BRINP1: variants seen among roughly 807,000 people sequenced by gnomAD.
The protein encoded by BRINP1 is BMP/retinoic acid inducible neural specific 1.
Under a neutral mutation model 72.9 loss-of-function variants are expected in BRINP1, and 17 were observed. The observed-to-expected ratio is 0.23, with a 90% CI of 0.16 to 0.35. The LOEUF is 0.35. Ranked by LOEUF, BRINP1 falls within the 10% of genes least tolerant of loss-of-function variation. BRINP1 has a pLI of 1.00. For synonymous variants in BRINP1, 418 were observed against 378.5 expected, an observed-to-expected ratio of 1.10 and a Z score of -1.21; for missense variants, 850 against 1,001.6, an observed-to-expected ratio of 0.85 and a Z score of 2.04.
chr9:119,284,514 C>T (rs1050570859), intron 2 of BRINP1, among the ~76,000 whole-genome samples: 1 of 152,176 alleles, frequency 6.6e-6, no homozygotes, highest in Non-Finnish European at 1.5e-5. Context: ...ATGGAAATGG[C>T]TGTAAAAGCC....
intron 3 of BRINP1, among the ~76,000 whole-genome samples, chr9:119,247,577 C>T (rs1830334960): frequency 6.9e-6 from 1 of 145,234 alleles, no homozygotes; most frequent in African/African-American, 2.5e-5. Context: ...ATGGCGTGAA[C>T]CCGGGAGGCG....
chr9:119,212,328 C>T (rs560057037), intron 6 of BRINP1, among the ~76,000 whole-genome samples: 1 of 152,218 alleles, frequency 6.6e-6, no homozygotes, highest in Non-Finnish European at 1.5e-5. Flanking sequence ...TACACAGTGG[C>T]TCCTAGGTAA....
intron 2 of BRINP1, among the ~76,000 whole-genome samples, chr9:119,263,990 T>TCA (rs76477140): frequency 0.019 from 2,893 of 152,310 alleles, 45 homozygotes; most frequent in Non-Finnish European, 0.027. Context: ...AAACTCATGT[T>TCA]CTTAGGCACT....
intron 1 of BRINP1, among the ~76,000 whole-genome samples, chr9:119,328,341 G>A (rs1335659312): frequency 6.6e-6 from 1 of 152,206 alleles, no homozygotes; most frequent in African/African-American, 2.4e-5. Flanking sequence ...AATGGGATGT[G>A]AGTCAATGGA....
At chr9:119,329,425 A>T (rs1486442570) in intron 1 of BRINP1, among the ~76,000 whole-genome samples, 1 of 152,182 alleles carries the variant, frequency 6.6e-6, no homozygotes, top group East Asian at 1.9e-4. Context: ...CACAGCTGTC[A>T]CTTGTCTGTG....
At chr9:119,354,572 A>C (rs1831539762) in intron 1 of BRINP1, among the ~76,000 whole-genome samples, 1 of 152,144 alleles carries the variant, frequency 6.6e-6, no homozygotes, top group Admixed American at 6.5e-5. Flanking sequence ...GGGAATGTAT[A>C]CATCAGGCCA....
chr9:119,231,167 TCATA>T (rs1231848639), intron 5 of BRINP1, among the ~76,000 whole-genome samples: 1 of 151,894 alleles, frequency 6.6e-6, no homozygotes, highest in Non-Finnish European at 1.5e-5. Flanking sequence ...ATCTGAAAAA[TCATA>T]CAATTTAAAA....
At chr9:119,339,165 CA>C (rs1390403603) in intron 1 of BRINP1, among the ~76,000 whole-genome samples, 4 of 152,100 alleles carry the variant, frequency 2.6e-5, no homozygotes, top group Non-Finnish European at 5.9e-5. Flanking sequence ...CTTTATGGGC[CA>C]CAGTGTCTCT....
intron 7 of BRINP1, among the ~76,000 whole-genome samples, chr9:119,198,649 CT>C (rs1329516583): frequency 6.7e-6 from 1 of 150,084 alleles, no homozygotes; most frequent in Non-Finnish European, 1.5e-5. Context: ...GGGTCTACTA[CT>C]GCTGTGCTCT....
At chr9:119,194,634 C>T (rs1829715884) in intron 7 of BRINP1, among the ~76,000 whole-genome samples, 1 of 152,288 alleles carries the variant, frequency 6.6e-6, no homozygotes, top group African/African-American at 2.4e-5. Flanking sequence ...TGAAGAGGAC[C>T]TTGTGCAAGG....
chr9:119,242,272 C>G (rs1830259815), intron 3 of BRINP1, 56 bp from the exon 4 acceptor site: 2 of 500,462 alleles, frequency 4.0e-6, no homozygotes, highest in East Asian at 3.7e-4. Context: ...TGTGAGAGGA[C>G]AGGGATGGGA....
intron 1 of BRINP1, among the ~76,000 whole-genome samples, chr9:119,314,032 TTA>T (rs1223291311): frequency 5.9e-5 from 9 of 152,318 alleles, no homozygotes; most frequent in African/African-American, 2.2e-4. Flanking sequence ...GTTGAATACT[TTA>T]GAGACGAAGA....
chr9:119,365,515 T>C (rs1250961301), intron 1 of BRINP1, among the ~76,000 whole-genome samples: 5 of 152,176 alleles, frequency 3.3e-5, no homozygotes, highest in Non-Finnish European at 7.3e-5. Flanking sequence ...GATAATGTAC[T>C]GGTGATTTCC....
chr9:119,293,423 C>T (rs540164378), intron 2 of BRINP1, among the ~76,000 whole-genome samples: 1 of 152,254 alleles, frequency 6.6e-6, no homozygotes, highest in South Asian at 2.1e-4. Flanking sequence ...CAAGACTCTT[C>T]TCCATTCTCC....
At position 119,214,039 on chromosome 9, in the gene BRINP1, G is replaced by C. The variant is rs1829954743; in HGVS notation, c.802C>G (p.Gln268Glu). The C allele has an allele frequency of 1.2e-6, 2 of 1,614,156 alleles. No homozygotes were observed. The highest frequency in any genetic ancestry group is 1.7e-6 in the Non-Finnish European group (2 of 1,180,034). ...CACTGCGGAAACTCCTCGGCACATT[G>C]GCAGCGACACTGGCTGTTCTGGCAC... ...YLCQNSQCRCQCAEEFPQCNC... is the reference protein window; with the variant it reads ...YLCQNSQCRCECAEEFPQCNC... Residue 268 changes from glutamine to glutamate, a missense_variant, in exon 6 of 8, where the codon CAA (glutamine) becomes GAA (glutamate). Coordinates refer to ENST00000265922, the MANE Select transcript of BRINP1 (RefSeq NM_014618.3).
chr9:119,297,709 G>T (rs1358451483), intron 2 of BRINP1, among the ~76,000 whole-genome samples: 1 of 152,032 alleles, frequency 6.6e-6, no homozygotes, highest in Non-Finnish European at 1.5e-5. Flanking sequence ...CCATTATCCT[G>T]CTCATTTAGG....
chr9:119,333,796 A>G lies in BRINP1; in HGVS notation c.-50-20391T>C, dbSNP rs900238566. ...AAATCAGAAAGGAACAAGGTGTTTCATTGGGAGCCTAAGGAAAGAAAAAAA... is the reference window on the plus strand; with the variant it reads ...AAATCAGAAAGGAACAAGGTGTTTCGTTGGGAGCCTAAGGAAAGAAAAAAA... On this transcript the variant is annotated intron_variant, in intron 1 of 7. Coordinates refer to ENST00000265922, the MANE Select transcript of BRINP1 (RefSeq NM_014618.3). Among the ~76,000 whole-genome samples the G allele has an allele frequency of 2.0e-5, 3 of 152,176 alleles. No individual in the cohort carries two copies. The East Asian group carries it at 5.8e-4, about 29-fold the overall frequency.
intron 7 of BRINP1, among the ~76,000 whole-genome samples, chr9:119,170,888 A>G (rs1473520387): frequency 2.7e-5 from 4 of 146,042 alleles, no homozygotes; most frequent in Non-Finnish European, 4.5e-5. Flanking sequence ...ACTAAGCTTC[A>G]TAAGTGAAGG....
Position 119,167,066 on chromosome 9 carries a change from A to G in BRINP1, c.*18T>C. 1 of 1,573,720 alleles carries G rather than the reference A, an allele frequency of 6.4e-7. No homozygotes were observed. The highest frequency in any genetic ancestry group is 8.6e-7 in the Non-Finnish European group (1 of 1,157,240). ...GTGTGTACAACAACAGGAAAAGTCC[A>G]TGGCAAGGAGTCCCGGGTTAGCAGA... is the stretch of plus-strand genomic sequence containing the variant. On this transcript the variant is annotated 3_prime_UTR_variant, in exon 8 of 8. Coordinates refer to ENST00000265922, the MANE Select transcript of BRINP1 (RefSeq NM_014618.3). The surrounding 1 kb of genome is among the most constrained non-coding windows in gnomAD (Gnocchi z 4.3).
Sources: allele counts gnomAD v4.1 joint callset (sites outside exome capture counted in the v4.1 genomes callset), GRCh38; gene constraint gnomAD v4.1.1; non-coding constraint Gnocchi (gnomAD v3.1); transcripts MANE v1.5; gene names NCBI Gene and HGNC (gene_info 2026-07-23, HGNC 2026-07-21).